ZFAT: variants seen among roughly 807,000 people sequenced by gnomAD.
ZFAT encodes the protein zinc finger protein ZFAT.
Under a neutral mutation model 117.7 loss-of-function variants are expected in ZFAT, and 64 were observed. That is an observed-to-expected ratio of 0.54 (90% confidence interval 0.44 to 0.67). ZFAT has a LOEUF of 0.67. ZFAT is among the 30% of genes least tolerant of loss of function. The pLI, the probability that ZFAT is intolerant of heterozygous loss-of-function variation, is 0.00. For missense variants in ZFAT, 1,433 were observed against 1,584.5 expected (o/e 0.90, Z 1.62); for synonymous variants, 679 against 615.0 (o/e 1.10, Z -1.54).
Position 134,650,020 on chromosome 8 carries a change from G to GTTCCTGC in ZFAT, c.196+7534_196+7540dup, listed in dbSNP as rs1831140876. On this transcript the variant is annotated intron_variant, in intron 2 of 15. Coordinates refer to ENST00000377838, the MANE Select transcript of ZFAT (RefSeq NM_020863.4). Reference sequence around the variant, plus strand: ...TCTGTCCTGCTGCCCTGTGAAGAAGGTTCCTGCTTCTCCTTTGCCTTCTAC... The same window carrying GTTCCTGC: ...TCTGTCCTGCTGCCCTGTGAAGAAGGTTCCTGCTTCCTGCTTCTCCTTTGCCTTCTAC... Among the ~76,000 whole-genome samples, 5 of 152,228 alleles carry GTTCCTGC rather than the reference G, an allele frequency of 3.3e-5. No homozygotes were observed. The South Asian group carries it at 1.0e-3, about 32-fold the overall frequency.
At chr8:134,768,402 C>A in the ZFAT span, among the ~76,000 whole-genome samples, 1 of 152,188 alleles carries the variant, frequency 6.6e-6, no homozygotes, top group Non-Finnish European at 1.5e-5. Context: ...ACCTCTTGCC[C>A]TCTTCTCAGG....
chr8:134,501,630 C>T (rs751048951), intron 15 of ZFAT, among the ~76,000 whole-genome samples: 4 of 151,970 alleles, frequency 2.6e-5, no homozygotes, highest in East Asian at 1.9e-4. Context: ...GTACCACACA[C>T]GCACAGGCAA....
At chr8:134,592,327 C>A (rs941683240) in intron 7 of ZFAT, among the ~76,000 whole-genome samples, 2 of 152,208 alleles carry the variant, frequency 1.3e-5, no homozygotes, top group Admixed American at 6.5e-5. Context: ...ATTACCATAT[C>A]CTATGAGGCC....
At chr8:134,719,951 A>G in the ZFAT span, among the ~76,000 whole-genome samples, 2 of 152,220 alleles carry the variant, frequency 1.3e-5, no homozygotes, top group African/African-American at 4.8e-5. Flanking sequence ...ATCCCCTCTG[A>G]CACTGACTTT....
At chr8:134,553,657 G>C (rs1451525344) in intron 11 of ZFAT, among the ~76,000 whole-genome samples, 1 of 152,216 alleles carries the variant, frequency 6.6e-6, no homozygotes, top group African/African-American at 2.4e-5. Flanking sequence ...AGTCAGGACA[G>C]TCCTGTGATG....
the ZFAT span, among the ~76,000 whole-genome samples, chr8:134,734,900 T>C: frequency 6.6e-6 from 1 of 152,310 alleles, no homozygotes; most frequent in East Asian, 1.9e-4. Flanking sequence ...TTATCAGATC[T>C]GCATAGCCCT....
the ZFAT span, among the ~76,000 whole-genome samples, chr8:134,807,205 GCCACATTT>G: frequency 6.6e-6 from 1 of 152,184 alleles, no homozygotes; most frequent in Non-Finnish European, 1.5e-5. Context: ...TGTATGCCAT[GCCACATTT>G]GCCACAGATT....
intron 15 of ZFAT, among the ~76,000 whole-genome samples, chr8:134,481,574 T>C (rs1238350284): frequency 3.9e-5 from 6 of 152,214 alleles, no homozygotes; most frequent in African/African-American, 1.2e-4. Context: ...GTATGGACAG[T>C]GGCTGAAATC....
At chr8:134,631,157 C>A (rs1829864941) in intron 3 of ZFAT, among the ~76,000 whole-genome samples, 1 of 152,190 alleles carries the variant, frequency 6.6e-6, no homozygotes, top group African/African-American at 2.4e-5. Flanking sequence ...GAATAGGAGG[C>A]CATTTTCTCT....
At chr8:134,807,617 T>C in the ZFAT span, among the ~76,000 whole-genome samples, 2 of 151,392 alleles carry the variant, frequency 1.3e-5, no homozygotes. Flanking sequence ...CAAAGAGTAG[T>C]AGCAGGGTGG....
Position 134,600,493 on chromosome 8 carries a change from GT to G in ZFAT, c.2417del (p.Asp806AlafsTer39). 1 of 1,614,228 alleles carries G rather than the reference GT, an allele frequency of 6.2e-7. No individual in the cohort carries two copies. Among genetic ancestry groups the G allele is most frequent in the South Asian group, 1.1e-5 (1 of 91,090 alleles). On this transcript the variant is annotated frameshift_variant, in exon 7 of 16. Coordinates refer to ENST00000377838, the MANE Select transcript of ZFAT (RefSeq NM_020863.4). LOFTEE classifies it high-confidence loss of function. ...GCTTATATTTATCTGGAGTTGAGTA[GT>G]CACAGCCATCGGTGGGACACTTCAG... The part of the protein sequence containing the change: ...ILLKCPTDGC[D>X]YSTPDKYKLQ...
At chr8:134,711,894 GAC>G (rs1814014220) in intron 1 of ZFAT, among the ~76,000 whole-genome samples, 1 of 152,184 alleles carries the variant, frequency 6.6e-6, no homozygotes, top group Non-Finnish European at 1.5e-5. Flanking sequence ...TCAGCATGGG[GAC>G]ACACACTACA....
At chr8:134,480,966 T>C (rs1817263302) in intron 15 of ZFAT, among the ~76,000 whole-genome samples, 1 of 151,952 alleles carries the variant, frequency 6.6e-6, no homozygotes, top group African/African-American at 2.4e-5. Context: ...GCTCCGGAGG[T>C]TCCAAAATTA....
intron 1 of ZFAT, among the ~76,000 whole-genome samples, chr8:134,690,647 T>C (rs1833542870): frequency 6.6e-6 from 1 of 152,204 alleles, no homozygotes; most frequent in African/African-American, 2.4e-5. Flanking sequence ...GCTTTAAATT[T>C]AAGGAAGGAG....
intron 2 of ZFAT, among the ~76,000 whole-genome samples, chr8:134,656,243 C>T (rs1256744456): frequency 6.6e-6 from 1 of 152,156 alleles, no homozygotes. Flanking sequence ...AGCAAAGGGT[C>T]TCAAGTGTGC....
intron 1 of ZFAT, among the ~76,000 whole-genome samples, chr8:134,693,189 A>C (rs1032735547): frequency 6.6e-6 from 1 of 152,200 alleles, no homozygotes; most frequent in African/African-American, 2.4e-5. Context: ...CTCCACTAAA[A>C]GAAACCAGGT....
intron 9 of ZFAT, among the ~76,000 whole-genome samples, chr8:134,585,713 G>A (rs1826024013): frequency 6.6e-6 from 1 of 152,180 alleles, no homozygotes; most frequent in Non-Finnish European, 1.5e-5. Flanking sequence ...TTAACTAGCT[G>A]TGGATCTCCA....
At chr8:134,676,281 C>CGG (rs1832798798) in intron 1 of ZFAT, among the ~76,000 whole-genome samples, 1 of 145,272 alleles carries the variant, frequency 6.9e-6, no homozygotes, top group Non-Finnish European at 1.5e-5. Flanking sequence ...AAAAAAAATC[C>CGG]CAGGGGTTGC....
chr8:134,819,282 GA>G, the ZFAT span, among the ~76,000 whole-genome samples: 1 of 150,162 alleles, frequency 6.7e-6, no homozygotes, highest in East Asian at 2.1e-4. Flanking sequence ...AAAAAAAAAG[GA>G]AAAAAAAGAA....
Sources: gnomAD v4.1 joint callset for allele counts (sites outside exome capture counted in the v4.1 genomes callset) on GRCh38, gnomAD v4.1.1 for gene constraint, MANE v1.5 for transcripts, NCBI Gene and HGNC (gene_info 2026-07-23, HGNC 2026-07-21) for gene names.